Variants in CLDN18 observed in about 807,000 individuals in gnomAD.
CLDN18 encodes the protein claudin-18.
CLDN18 carries 20 observed loss-of-function variants against 25.0 expected under a neutral mutation model. The ratio of observed to expected loss-of-function variants is 0.80; its 90% CI spans 0.56 to 1.16. CLDN18 has a LOEUF of 1.16. CLDN18 is among the 50% of genes most tolerant of loss of function. The probability of loss-of-function intolerance (pLI) is 0.00; values close to 1 mark genes in which losing one functional copy is unlikely to be tolerated. For synonymous variants in CLDN18, 125 were observed against 135.6 expected (o/e 0.92, Z 0.54); for missense variants, 297 against 345.4 (o/e 0.86, Z 1.11).
chr3:138,032,578 A>G lies in CLDN18; in HGVS notation c.*1437A>G, dbSNP rs9858250. ...GCATGGTTACAAGCCACTGCCAGTT[A>G]GCAGTAGCACTTTCCTGGCACTGTG... On this transcript the variant is annotated 3_prime_UTR_variant, in exon 5 of 5. Coordinates refer to ENST00000183605, the MANE Select transcript of CLDN18 (RefSeq NM_016369.4). 0.51 allele frequency: 77,173 copies of G among 151,678 alleles called. 20,770 individuals carry two copies. Among genetic ancestry groups the G allele is most frequent in the Middle Eastern group, 0.63 (183 of 290 alleles). 9.4% of individuals were successfully genotyped at this position (151,678 alleles called of 1,614,324 possible). A position where few individuals can be genotyped will look rare whatever the true frequency, so the allele number is the denominator to read the frequency against.
intron 4 of CLDN18, among the ~76,000 whole-genome samples, chr3:138,030,196 C>G (rs1023957969): frequency 6.6e-6 from 1 of 152,198 alleles, no homozygotes; most frequent in African/African-American, 2.4e-5. Context: ...ATTTCCCCCC[C>G]AGGGGATATC....
In CLDN18 at chr3:138,002,013, ATTT is replaced by A. The variant is rs566850654; in HGVS notation, c.220+2933_220+2935del. ...CAAAGAAACAACCTCAAACAAGTGGATTTTTTTTTTATTTCACCTGTTTTAGTG... is the reference window on the plus strand; with the variant it reads ...CAAAGAAACAACCTCAAACAAGTGGATTTTTTTATTTCACCTGTTTTAGTG... On this transcript the variant is annotated intron_variant, in intron 1 of 4. Coordinates refer to the CLDN18 transcript ENST00000343735. Among the ~76,000 whole-genome samples the A allele has an allele frequency of 3.7e-3, 560 of 150,556 alleles. 1 individual carries two copies. Among genetic ancestry groups the A allele is most frequent in the South Asian group, 0.013 (60 of 4,736 alleles).
intron 1 of CLDN18, among the ~76,000 whole-genome samples, chr3:138,001,660 T>C (rs978530506): frequency 3.3e-5 from 5 of 152,086 alleles, no homozygotes; most frequent in Non-Finnish European, 5.9e-5. Context: ...TGTGTGCGCA[T>C]GTGTGTGTGT....
intron 1 of CLDN18, among the ~76,000 whole-genome samples, chr3:138,000,738 CT>C (rs895749145): frequency 6.6e-6 from 1 of 152,232 alleles, no homozygotes; most frequent in African/African-American, 2.4e-5. Context: ...TCTCCCTCCA[CT>C]AAGGACCAGA....
chr3:138,016,253 G>A (rs1942201797), intron 1 of CLDN18, among the ~76,000 whole-genome samples: 1 of 152,194 alleles, frequency 6.6e-6, no homozygotes. Flanking sequence ...ACAAGGCAAA[G>A]CTTCTAAGTC....
upstream of CLDN18, among the ~76,000 whole-genome samples, chr3:138,008,341 C>T (rs376735920): frequency 1.3e-4 from 20 of 152,010 alleles, no homozygotes; most frequent in African/African-American, 4.1e-4. Context: ...CAGTGGCTCA[C>T]GCCTGCAATC....
At chr3:138,023,342 A>G (rs1451571596) in intron 1 of CLDN18, among the ~76,000 whole-genome samples, 1 of 152,204 alleles carries the variant, frequency 6.6e-6, no homozygotes, top group African/African-American at 2.4e-5. Context: ...CAGATTATCA[A>G]GCTTTAAAAA....
chr3:138,017,440 A>G (rs759986807), intron 1 of CLDN18, among the ~76,000 whole-genome samples: 36 of 152,332 alleles, frequency 2.4e-4, no homozygotes, highest in Non-Finnish European at 4.7e-4. Flanking sequence ...CCTATAAATC[A>G]TATTTACAGA....
intron 1 of CLDN18, among the ~76,000 whole-genome samples, chr3:138,019,285 C>T (rs1473536782): frequency 1.3e-5 from 2 of 152,190 alleles, no homozygotes; most frequent in Non-Finnish European, 1.5e-5. Flanking sequence ...ACCTCTGTGT[C>T]GATTCCCTGG....
In CLDN18 at chr3:138,031,782, A is replaced by G. The variant is rs1942399488; in HGVS notation, c.*641A>G. ...GTTGACATCTTCTTATTACAGCAACACCATTCTAGGAGTTTCCTGAGCTCT... is the reference window on the plus strand; with the variant it reads ...GTTGACATCTTCTTATTACAGCAACGCCATTCTAGGAGTTTCCTGAGCTCT... On this transcript the variant is annotated 3_prime_UTR_variant, in exon 5 of 5. Coordinates refer to ENST00000183605, the MANE Select transcript of CLDN18 (RefSeq NM_016369.4). The G allele has an allele frequency of 6.6e-6, 1 of 152,176 alleles. No individual in the cohort carries two copies. The highest frequency in any genetic ancestry group is 2.1e-4 in the South Asian group (1 of 4,828). The allele number at this position is 152,176 out of a possible 1,614,324, so 9.4% of individuals were successfully genotyped here.
At chr3:138,016,273 T>C (rs1460208897) in intron 1 of CLDN18, among the ~76,000 whole-genome samples, 1 of 152,184 alleles carries the variant, frequency 6.6e-6, no homozygotes, top group Non-Finnish European at 1.5e-5. Context: ...CTGCATCCTT[T>C]TCCCCTGCCC....
intron 1 of CLDN18, among the ~76,000 whole-genome samples, chr3:138,000,854 C>T (rs1942008971): frequency 6.6e-6 from 1 of 152,214 alleles, no homozygotes; most frequent in South Asian, 2.1e-4. Flanking sequence ...ATACGAAGTG[C>T]CCAAAACCTG....
rs569607283 is a variant in CLDN18, at chr3:138,016,302, C to G, written c.220+5857C>G. On this transcript the variant is annotated intron_variant, in intron 1 of 4. Coordinates refer to ENST00000183605, the MANE Select transcript of CLDN18 (RefSeq NM_016369.4). ...CCTGCCCAGACCCTGTTTCTAAAGG[C>G]AGGAATGGGCTGCCTTTAGAATTGA... 5.3e-5 allele frequency among the ~76,000 whole-genome samples: 8 copies of G among 152,238 alleles called. No homozygotes were observed. The South Asian group carries it at 1.7e-3, about 32-fold the overall frequency.
chr3:138,021,606 C>T (rs561761484), intron 1 of CLDN18, among the ~76,000 whole-genome samples: 1 of 152,234 alleles, frequency 6.6e-6, no homozygotes, highest in South Asian at 2.1e-4. Flanking sequence ...GTTTTCTATA[C>T]ATCCTGAAAT....
At chr3:138,019,501 C>T (rs927655483) in intron 1 of CLDN18, among the ~76,000 whole-genome samples, 5 of 152,180 alleles carry the variant, frequency 3.3e-5, no homozygotes, top group African/African-American at 1.2e-4. Flanking sequence ...CCTTTGGCTG[C>T]TGGTGAACTG....
chr3:138,033,048 A>T lies in CLDN18; in HGVS notation c.*1907A>T, dbSNP rs1362556411. The T allele has an allele frequency of 2.6e-5, 4 of 152,246 alleles. No homozygotes were observed. Among genetic ancestry groups the T allele is most frequent in the African/African-American group, 7.2e-5 (3 of 41,468 alleles). 9.4% of individuals were successfully genotyped at this position (152,246 alleles called of 1,614,324 possible). ...GTTATTATTTGAGAGGAAAGTCCTC[A>T]CATCAATAGTACATATGAAAGTGAC... On this transcript the variant is annotated 3_prime_UTR_variant, in exon 5 of 5. Coordinates refer to ENST00000183605, the MANE Select transcript of CLDN18 (RefSeq NM_016369.4).
chr3:138,005,939 C>A (rs1241729461), upstream of CLDN18, among the ~76,000 whole-genome samples: 1 of 152,066 alleles, frequency 6.6e-6, no homozygotes, highest in Non-Finnish European at 1.5e-5. Flanking sequence ...AATAGCACTT[C>A]TATATAATGA....
Position 138,032,266 on chromosome 3 carries a change from A to G in CLDN18, c.*1125A>G, listed in dbSNP as rs909462427. On this transcript the variant is annotated 3_prime_UTR_variant, in exon 5 of 5. Coordinates refer to ENST00000183605, the MANE Select transcript of CLDN18 (RefSeq NM_016369.4). The stretch of plus-strand genomic sequence containing the variant: ...GAAGCCCTGTCTCTACAAAATACAG[A>G]GAGAAAAAATCAGCCAGTCATGGTG... 6.6e-6 allele frequency: 1 copy of G among 152,082 alleles called. No homozygotes were observed. The highest frequency in any genetic ancestry group is 1.5e-5 in the Non-Finnish European group (1 of 68,050). The allele number at this position is 152,082 out of a possible 1,614,324, so 9.4% of individuals were successfully genotyped here. A position where few individuals can be genotyped will look rare whatever the true frequency, so the allele number is the denominator to read the frequency against.
chr3:138,028,107 C>G (rs1233826811), intron 3 of CLDN18, among the ~76,000 whole-genome samples: 2 of 151,838 alleles, frequency 1.3e-5, no homozygotes, highest in African/African-American at 4.8e-5. Context: ...CTCTGTTGCC[C>G]AGGCTGGAGT....
Sources: allele counts gnomAD v4.1 joint callset (sites outside exome capture counted in the v4.1 genomes callset), GRCh38; gene constraint gnomAD v4.1.1; transcripts MANE v1.5; gene names NCBI Gene and HGNC (gene_info 2026-07-23, HGNC 2026-07-21).